Variants in CYYR1 observed in about 807,000 individuals in gnomAD.
CYYR1 encodes cysteine and tyrosine-rich protein 1.
CYYR1 carries 14 observed loss-of-function variants against 15.2 expected under a neutral mutation model. The ratio of observed to expected loss-of-function variants is 0.92; its 90% CI spans 0.61 to 1.44. The LOEUF (loss-of-function observed/expected upper bound fraction) is 1.44. CYYR1 is among the 40% of genes most tolerant of loss of function. CYYR1 has a pLI of 0.00. For synonymous variants in CYYR1, 80 were observed against 77.4 expected (o/e 1.03, Z -0.18); for missense variants, 228 against 209.5 (o/e 1.09, Z -0.54).
At chr21:26,508,419 T>C (rs1033361088) in intron 2 of CYYR1, among the ~76,000 whole-genome samples, 3 of 152,066 alleles carry the variant, frequency 2.0e-5, no homozygotes, top group Non-Finnish European at 2.9e-5. Context: ...TTGGGTTGGA[T>C]TGTGGGAAAG....
At chr21:26,526,970 A>G (rs1421031179) in intron 2 of CYYR1, among the ~76,000 whole-genome samples, 2 of 152,214 alleles carry the variant, frequency 1.3e-5, no homozygotes, top group African/African-American at 2.4e-5. Flanking sequence ...CCTGACTCAG[A>G]GCAGGCACAA....
chr21:26,468,455 C>A lies in CYYR1; in HGVS notation c.*46G>T, dbSNP rs746349132. On this transcript the variant is annotated 3_prime_UTR_variant, in exon 4 of 4. Transcript: ENST00000652641. Reference sequence around the variant, plus strand: ...TGTTTCTGAGTAGAGGCATTTTATTCCAGGCAAGATCGCCCATTGGCACAT... The same window carrying A: ...TGTTTCTGAGTAGAGGCATTTTATTACAGGCAAGATCGCCCATTGGCACAT... The A allele has an allele frequency of 1.8e-5, 22 of 1,232,042 alleles. No homozygotes were observed. The highest frequency in any genetic ancestry group is 2.6e-5 in the Non-Finnish European group (22 of 830,952). The allele number at this position is 1,232,042 out of a possible 1,614,324, so 76.3% of individuals were successfully genotyped here.
intron 2 of CYYR1, chr21:26,551,170 A>G (rs1979360576): frequency 6.6e-6 from 1 of 152,652 alleles, no homozygotes; most frequent in African/African-American, 2.4e-5. Context: ...TTTGAAGCCT[A>G]CTACTGAGAA....
intron 2 of CYYR1, among the ~76,000 whole-genome samples, chr21:26,494,531 A>G (rs1182158428): frequency 6.6e-6 from 1 of 152,162 alleles, no homozygotes; most frequent in Admixed American, 6.5e-5. Flanking sequence ...CTAAATTTTA[A>G]TTACTTGTTT....
At chr21:26,541,308 A>G (rs1978535500) in intron 2 of CYYR1, among the ~76,000 whole-genome samples, 1 of 152,172 alleles carries the variant, frequency 6.6e-6, no homozygotes, top group South Asian at 2.1e-4. Context: ...CACCTTGAAA[A>G]TATCACAATT....
chr21:26,554,829 A>G (rs182704793), intron 2 of CYYR1, among the ~76,000 whole-genome samples: 64 of 152,062 alleles, frequency 4.2e-4, no homozygotes, highest in African/African-American at 1.4e-3. Context: ...AAACTCCTGG[A>G]CTCAAGCAAC....
intron 2 of CYYR1, among the ~76,000 whole-genome samples, chr21:26,562,795 CACAA>C (rs1438717035): frequency 8.4e-6 from 1 of 118,432 alleles, no homozygotes; most frequent in African/African-American, 3.5e-5. Context: ...CAGAGACATA[CACAA>C]ACACACACAC....
At chr21:26,512,414 G>C (rs1300661797) in intron 2 of CYYR1, among the ~76,000 whole-genome samples, 1 of 151,926 alleles carries the variant, frequency 6.6e-6, no homozygotes, top group African/African-American at 2.4e-5. Context: ...TGTTGGCCTG[G>C]CTGATCTTGA....
At position 26,476,585 on chromosome 21, in the gene CYYR1, C is replaced by CATCTATCTATCTATCT. The variant is rs11450529; in HGVS notation, c.334+3671_334+3686dup. ...CCAATTGTTTGTCTACCCTATCTAT[C>CATCTATCTATCTATCT]ATCTATCTATCTATCTATCTATCTA... On this transcript the variant is annotated intron_variant, in intron 3 of 3. Coordinates refer to ENST00000652641, the MANE Select transcript of CYYR1 (RefSeq NM_001320768.2). Among the ~76,000 whole-genome samples, 1,354 of 143,822 alleles carry CATCTATCTATCTATCT rather than the reference C, an allele frequency of 9.4e-3. 4 individuals carry two copies. The highest frequency in any genetic ancestry group is 0.014 in the East Asian group (71 of 4,924). The allele number at this position is 143,822 out of a possible 152,430, so 94.4% of individuals were successfully genotyped here. A position where few individuals can be genotyped will look rare whatever the true frequency, so the allele number is the denominator to read the frequency against.
At chr21:26,552,217 T>C (rs1375879171) in intron 2 of CYYR1, 1 of 152,186 alleles carries the variant, frequency 6.6e-6, no homozygotes, top group Non-Finnish European at 1.5e-5. Flanking sequence ...AACCAAAAAA[T>C]TCATGTGACT....
At chr21:26,536,549 G>A (rs577651316) in intron 2 of CYYR1, among the ~76,000 whole-genome samples, 8 of 152,206 alleles carry the variant, frequency 5.3e-5, no homozygotes, top group Middle Eastern at 3.4e-3. Context: ...AGAGGGTTTC[G>A]TTTCAGGAAA....
intron 1 of CYYR1, among the ~76,000 whole-genome samples, chr21:26,571,517 TAAAC>T (rs71329845): frequency 0.14 from 21,627 of 152,062 alleles, 1,632 homozygotes; most frequent in South Asian, 0.17. Context: ...GGGAATATAA[TAAAC>T]AAACAAACAA....
intron 2 of CYYR1, among the ~76,000 whole-genome samples, chr21:26,534,842 G>T (rs556307834): frequency 1.3e-5 from 2 of 152,166 alleles, no homozygotes; most frequent in South Asian, 2.1e-4. Flanking sequence ...TATGCTATTT[G>T]TTTCCTGCTG....
chr21:26,567,603 C>T (rs1980726436), intron 1 of CYYR1, among the ~76,000 whole-genome samples: 1 of 152,000 alleles, frequency 6.6e-6, no homozygotes, highest in Non-Finnish European at 1.5e-5. Flanking sequence ...TAAGTACAGT[C>T]TGATAATTTA....
chr21:26,490,817 C>G (rs2065317107), intron 2 of CYYR1, among the ~76,000 whole-genome samples: 1 of 152,178 alleles, frequency 6.6e-6, no homozygotes, highest in South Asian at 2.1e-4. Context: ...CTCTCATTTT[C>G]TCATCCACTC....
At chr21:26,472,819 T>G (rs1204519793) in intron 3 of CYYR1, among the ~76,000 whole-genome samples, 1 of 152,160 alleles carries the variant, frequency 6.6e-6, no homozygotes, top group African/African-American at 2.4e-5. Context: ...CCTTCTGTGT[T>G]ATTTCCAAGT....
chr21:26,545,322 G>C (rs1161430132), intron 2 of CYYR1, among the ~76,000 whole-genome samples: 1 of 151,808 alleles, frequency 6.6e-6, no homozygotes, highest in African/African-American at 2.4e-5. Flanking sequence ...AAGTCATTTT[G>C]TTCTGTTCTC....
chr21:26,519,553 C>G (rs2065776142), intron 2 of CYYR1, among the ~76,000 whole-genome samples: 1 of 152,120 alleles, frequency 6.6e-6, no homozygotes, highest in Non-Finnish European at 1.5e-5. Context: ...CGTGGAGTAA[C>G]TTGTAGGCCA....
intron 3 of CYYR1, among the ~76,000 whole-genome samples, chr21:26,474,919 T>G (rs940943975): frequency 6.6e-6 from 1 of 152,190 alleles, no homozygotes; most frequent in Non-Finnish European, 1.5e-5. Context: ...CACTGATTTA[T>G]GGGCCATCAC....
Sources: gnomAD v4.1 joint callset for allele counts (sites outside exome capture counted in the v4.1 genomes callset) on GRCh38, gnomAD v4.1.1 for gene constraint, MANE v1.5 for transcripts, NCBI Gene and HGNC (gene_info 2026-07-23, HGNC 2026-07-21) for gene names.